The following PRMT8 variants were observed in gnomAD, a reference collection of about 807,000 sequenced individuals.
The protein encoded by PRMT8 is protein arginine N-methyltransferase 8.
PRMT8 carries 7 observed loss-of-function variants against 47.1 expected under a neutral mutation model. The ratio of observed to expected loss-of-function variants is 0.15; its 90% confidence interval spans 0.08 to 0.28. PRMT8 has a LOEUF of 0.28. Among genes scored for constraint, PRMT8 ranks in the 10% least tolerant of loss-of-function variants. PRMT8 has a pLI of 1.00. For missense variants in PRMT8, 237 were observed against 505.4 expected (o/e 0.47, Z 5.09); for synonymous variants, 188 against 186.5 (o/e 1.01, Z -0.07).
chr12:3,589,391 A>G (rs1386726592), intron 8 of PRMT8, among the ~76,000 whole-genome samples: 2 of 152,182 alleles, frequency 1.3e-5, no homozygotes, highest in East Asian at 3.9e-4. Context: ...CCCAGGTCAC[A>G]TCGCATGTCA....
At chr12:3,404,783 T>A (rs1462594887) in intron 1 of PRMT8, among the ~76,000 whole-genome samples, 3 of 152,258 alleles carry the variant, frequency 2.0e-5, no homozygotes, top group African/African-American at 7.2e-5. Flanking sequence ...TTTCTCCTTT[T>A]AATTTTGTCA....
At chr12:3,421,688 C>T (rs141533044) in intron 1 of PRMT8, among the ~76,000 whole-genome samples, 197 of 152,350 alleles carry the variant, frequency 1.3e-3, no homozygotes, top group Admixed American at 3.5e-3. Context: ...GCTCCCCTCC[C>T]GGTTGACTGC....
intron 1 of PRMT8, among the ~76,000 whole-genome samples, chr12:3,464,560 T>C (rs1865072874): frequency 6.6e-6 from 1 of 152,172 alleles, no homozygotes; most frequent in African/African-American, 2.4e-5. Flanking sequence ...ATTCAATATT[T>C]ATTACTTATC....
chr12:3,581,244 T>C lies in PRMT8; in HGVS notation c.829-1814T>C, dbSNP rs377536555. On this transcript the variant is annotated intron_variant, in intron 7 of 9. Transcript: ENST00000382622. Reference sequence around the variant, plus strand: ...ATGAGCGGTCAGACATCACGACTTATGAGGAATGAATAAAAAGCCAGAGAT... The same window carrying C: ...ATGAGCGGTCAGACATCACGACTTACGAGGAATGAATAAAAAGCCAGAGAT... Among the ~76,000 whole-genome samples, 87 of 152,158 alleles carry C rather than the reference T, an allele frequency of 5.7e-4. No individual in the cohort carries two copies. The South Asian group carries it at 6.5e-3, about 11-fold the overall frequency.
chr12:3,386,489 C>A (rs1336883995), intron 1 of PRMT8, among the ~76,000 whole-genome samples: 1 of 152,218 alleles, frequency 6.6e-6, no homozygotes, highest in African/African-American at 2.4e-5. Flanking sequence ...CTTTCCCCAA[C>A]CTACTGAAGT....
chr12:3,584,011 C>T (rs1867120952), intron 8 of PRMT8, among the ~76,000 whole-genome samples: 1 of 152,204 alleles, frequency 6.6e-6, no homozygotes, highest in South Asian at 2.1e-4. Context: ...GGGCCTTAGT[C>T]AGAGGCTCTC....
intron 1 of PRMT8, among the ~76,000 whole-genome samples, chr12:3,539,977 T>G (rs1199740706): frequency 2.0e-5 from 3 of 152,198 alleles, no homozygotes; most frequent in Non-Finnish European, 4.4e-5. Flanking sequence ...GAGAAGCCCA[T>G]GGGTTCACGT....
chr12:3,540,822 G>A (rs757224063), intron 2 of PRMT8, 31 bp downstream of exon 2: 2 of 1,600,152 alleles, frequency 1.2e-6, no homozygotes, highest in South Asian at 1.1e-5. Context: ...GGCTAATGGG[G>A]CGAGGCTGAC....
Position 3,491,711 on chromosome 12 carries a change from G to C in PRMT8, c.75+11G>C, listed in dbSNP as rs779397662. The C allele has an allele frequency of 1.9e-6, 3 of 1,604,188 alleles. No homozygotes were observed. The East Asian group carries it at 6.7e-5, about 36-fold the overall frequency. On this transcript the variant is annotated intron_variant, in intron 1 of 9. Transcript: ENST00000382622. ...GCCGAGAGCACCGAGGTAAGGAGGCGAGCGAGCAGGGGCTCTCGGAGACCC... is the reference window on the plus strand; with the variant it reads ...GCCGAGAGCACCGAGGTAAGGAGGCCAGCGAGCAGGGGCTCTCGGAGACCC...
intron 1 of PRMT8, among the ~76,000 whole-genome samples, chr12:3,452,421 A>G (rs1864929283): frequency 6.6e-6 from 1 of 152,114 alleles, no homozygotes; most frequent in Non-Finnish European, 1.5e-5. Flanking sequence ...ATGGAACTTG[A>G]GAATTATTTC....
At chr12:3,386,497 A>G (rs1864139498) in intron 1 of PRMT8, among the ~76,000 whole-genome samples, 1 of 152,200 alleles carries the variant, frequency 6.6e-6, no homozygotes, top group African/African-American at 2.4e-5. Flanking sequence ...AACCTACTGA[A>G]GTCGCCATGT....
chr12:3,551,112 T>A (rs1393681676), intron 3 of PRMT8: 3 of 130,252 alleles, frequency 2.3e-5, no homozygotes, highest in Non-Finnish European at 4.8e-5. Flanking sequence ...GTTGACTAGA[T>A]CCCCCTAGAT....
At chr12:3,447,423 C>G (rs1790650621) in intron 1 of PRMT8, among the ~76,000 whole-genome samples, 2 of 152,172 alleles carry the variant, frequency 1.3e-5, no homozygotes. Flanking sequence ...TCTTCAAATA[C>G]TCCATGCTGG....
chr12:3,434,814 G>A (rs1864719420), intron 1 of PRMT8, among the ~76,000 whole-genome samples: 1 of 151,562 alleles, frequency 6.6e-6, no homozygotes, highest in Admixed American at 6.6e-5. Context: ...ACATGAGGCT[G>A]CAATGAAAAG....
chr12:3,516,068 C>T (rs1865787297), intron 1 of PRMT8, among the ~76,000 whole-genome samples: 1 of 152,244 alleles, frequency 6.6e-6, no homozygotes, highest in Non-Finnish European at 1.5e-5. Context: ...CAACCTCCTT[C>T]TGAGATAAAG....
chr12:3,573,493 T>G (rs894618621), intron 6 of PRMT8, among the ~76,000 whole-genome samples: 3 of 152,358 alleles, frequency 2.0e-5, no homozygotes, highest in Admixed American at 1.3e-4. Flanking sequence ...TATGACTTTT[T>G]TCTTATGATG....
At chr12:3,411,571 T>A (rs1243620454) in intron 1 of PRMT8, among the ~76,000 whole-genome samples, 1 of 152,224 alleles carries the variant, frequency 6.6e-6, no homozygotes, top group Non-Finnish European at 1.5e-5. Context: ...GTGTAATATG[T>A]GCTGTGGTTT....
intron 1 of PRMT8, among the ~76,000 whole-genome samples, chr12:3,424,089 A>T (rs889672091): frequency 3.9e-5 from 6 of 152,020 alleles, no homozygotes; most frequent in African/African-American, 1.4e-4. Context: ...CAAATTTCTT[A>T]TTTTTCCTGG....
intron 1 of PRMT8, among the ~76,000 whole-genome samples, chr12:3,539,729 T>C (rs1866185404): frequency 6.6e-6 from 1 of 152,092 alleles, no homozygotes; most frequent in African/African-American, 2.4e-5. Context: ...GAGCAGACAG[T>C]GATGGGCAGC....
Sources: gnomAD v4.1 joint callset for allele counts (sites outside exome capture counted in the v4.1 genomes callset) on GRCh38, gnomAD v4.1.1 for gene constraint, MANE v1.5 for transcripts, NCBI Gene and HGNC (gene_info 2026-07-23, HGNC 2026-07-21) for gene names.